Variants in SARDH observed in about 807,000 individuals in gnomAD.
SARDH encodes sarcosine dehydrogenase.
SARDH carries 95 observed loss-of-function variants against 109.1 expected under a neutral mutation model. The observed-to-expected ratio is 0.87, with a 90% CI of 0.74 to 1.03. SARDH has a LOEUF of 1.03. Among genes scored for constraint, SARDH ranks in the 50% least tolerant of loss-of-function variants. The pLI is 0.00. For missense variants in SARDH, 1,267 were observed against 1,287.8 expected (o/e 0.98, Z 0.25); for synonymous variants, 572 against 534.8 (o/e 1.07, Z -0.96).
rs1313653155 is a variant in SARDH at position 133,666,784 on chromosome 9, A to G, written c.2582T>C (p.Ile861Thr). The G allele has an allele frequency of 6.2e-7, 1 of 1,604,106 alleles. No homozygotes were observed. Among genetic ancestry groups the G allele is most frequent in the Non-Finnish European group, 8.5e-7 (1 of 1,175,678 alleles). The change falls in exon 20 of 21, where the codon ATC becomes ACC. Residue 861 changes from isoleucine to threonine, a missense_variant. By Grantham distance (89) the Ile-to-Thr change is moderately conservative. Transcript: ENST00000439388. The surrounding 1 kb of genome is among the most constrained non-coding windows in gnomAD (Gnocchi z 5.2). ...HVRRADFGFA[I>T]DKTIAYGYIH... ...GTAACCGTAGGCGATGGTCTTGTCG[A>G]TGGCGAACCCAAAGTCAGCCCTCCG...
At chr9:133,688,039 C>T (rs1372551693) in intron 16 of SARDH, among the ~76,000 whole-genome samples, 2 of 152,168 alleles carry the variant, frequency 1.3e-5, no homozygotes, top group East Asian at 3.9e-4. Context: ...CCACCTCCTC[C>T]CTCCACGGCC....
chr9:133,727,773 C>T (rs1435153762), intron 6 of SARDH, among the ~76,000 whole-genome samples: 2 of 152,182 alleles, frequency 1.3e-5, no homozygotes, highest in East Asian at 1.9e-4. Context: ...GTAACACCCC[C>T]TAGCTTCGCT....
At chr9:133,680,746 G>A (rs1356456639) in intron 17 of SARDH, among the ~76,000 whole-genome samples, 1 of 148,794 alleles carries the variant, frequency 6.7e-6, no homozygotes, top group East Asian at 1.9e-4. Flanking sequence ...GACACACGCA[G>A]ACCTGGCCGC....
At chr9:133,711,641 G>T (rs1281078142) in intron 10 of SARDH, among the ~76,000 whole-genome samples, 4 of 152,140 alleles carry the variant, frequency 2.6e-5, no homozygotes, top group African/African-American at 9.7e-5. Flanking sequence ...TCCTCATCAG[G>T]CCAGGAAAGG....
intron 8 of SARDH, among the ~76,000 whole-genome samples, chr9:133,714,199 G>C (rs947141002): frequency 6.6e-6 from 1 of 152,196 alleles, no homozygotes; most frequent in Admixed American, 6.5e-5. Context: ...TGCAGATCAG[G>C]AGCAAGTGCC....
intron 16 of SARDH, among the ~76,000 whole-genome samples, chr9:133,689,764 G>A (rs1383586323): frequency 2.6e-5 from 4 of 151,836 alleles, no homozygotes; most frequent in African/African-American, 9.7e-5. Context: ...CCCAGCCTCC[G>A]AAGCACAGTC....
At position 133,692,925 on chromosome 9, in the gene SARDH, C is replaced by A. The variant is rs1831154803; in HGVS notation, c.1921+1333G>T. 6.6e-6 allele frequency among the ~76,000 whole-genome samples: 1 copy of A among 152,156 alleles called. No homozygotes were observed. The highest frequency in any genetic ancestry group is 2.4e-5 in the African/African-American group (1 of 41,450). On this transcript the variant is annotated intron_variant, in intron 15 of 20. Coordinates refer to ENST00000439388, the MANE Select transcript of SARDH (RefSeq NM_001134707.2). This position sits in a 1 kb window ranked among gnomAD's most constrained non-coding sequence, Gnocchi z 5.0. ...GACCCCTCACTCACGCTCTCAGCCTCATCTCCGCCACCAGCCTCCAGACCG... is the reference window on the plus strand; with the variant it reads ...GACCCCTCACTCACGCTCTCAGCCTAATCTCCGCCACCAGCCTCCAGACCG...
chr9:133,731,467 A>C lies in SARDH; in HGVS notation c.528T>G (p.Gly176=), dbSNP rs779612409. ...CCGGGCTCAGCACATGGGATTCCAC[A>C]CCATACGCCTTGCCCAGCTAGGGGG... is the stretch of plus-strand genomic sequence containing the variant. ...KRLMSLGKAY[G]VESHVLSPAE... Residue 176 remains glycine, a synonymous_variant, in exon 4 of 21, where the codon GGT becomes GGG. Transcript: ENST00000439388. The C allele has an allele frequency of 6.2e-7, 1 of 1,614,044 alleles. No individual in the cohort carries two copies.
chr9:133,677,307 G>A (rs1359198097), intron 17 of SARDH, among the ~76,000 whole-genome samples: 3 of 152,126 alleles, frequency 2.0e-5, no homozygotes, highest in South Asian at 2.1e-4. Flanking sequence ...GAGGTGAATC[G>A]ACAATGTTCT....
chr9:133,684,119 G>T (rs1830800259), intron 17 of SARDH, among the ~76,000 whole-genome samples: 1 of 152,230 alleles, frequency 6.6e-6, no homozygotes, highest in African/African-American at 2.4e-5. Flanking sequence ...CTGCAAACAA[G>T]CAGGGTGGTC....
intron 19 of SARDH, 143 bp from the exon 20 acceptor site, chr9:133,667,013 C>A: frequency 9.2e-7 from 1 of 1,082,476 alleles, no homozygotes; most frequent in Non-Finnish European, 1.4e-6. Context: ...ACTAGGACTA[C>A]GCTGGTCCCC....
chr9:133,660,793 C>G (rs1832402975), downstream of SARDH, among the ~76,000 whole-genome samples: 1 of 152,208 alleles, frequency 6.6e-6, no homozygotes, highest in Non-Finnish European at 1.5e-5. Flanking sequence ...GGGGCGACCC[C>G]AGGCTCCAGC....
intron 17 of SARDH, among the ~76,000 whole-genome samples, chr9:133,671,938 A>G (rs1272107631): frequency 3.9e-5 from 6 of 152,240 alleles, no homozygotes; most frequent in Non-Finnish European, 8.8e-5. Context: ...CAGGTTTGCT[A>G]TCTGCAGACC....
At chr9:133,708,548 A>G (rs1019645952) in intron 10 of SARDH, 120 bp from the exon 11 acceptor site, 6 of 1,323,728 alleles carry the variant, frequency 4.5e-6, no homozygotes, top group Non-Finnish European at 6.1e-6. Context: ...TTTGTGGCTC[A>G]GCATTGAGCG....
rs563774053 is a variant in SARDH, at chr9:133,713,174, C to T, written c.1151-50G>A. 3.3e-6 allele frequency: 5 copies of T among 1,520,728 alleles called. No individual in the cohort carries two copies. The East Asian group carries it at 9.1e-5, about 28-fold the overall frequency. The allele number at this position is 1,520,728 out of a possible 1,614,324, so 94.2% of individuals were successfully genotyped here. A position where few individuals can be genotyped will look rare whatever the true frequency, so the allele number is the denominator to read the frequency against. On this transcript the variant is annotated intron_variant, in intron 8 of 20. Transcript: ENST00000439388. Reference sequence around the variant, plus strand: ...GAGTCCCTTTTGCAGTGCACATACTCTTGGGGTGAGGTCTTCCAAGAGAGC... The same window carrying T: ...GAGTCCCTTTTGCAGTGCACATACTTTTGGGGTGAGGTCTTCCAAGAGAGC...
intron 1 of SARDH, among the ~76,000 whole-genome samples, chr9:133,736,564 T>G (rs1832893638): frequency 6.6e-6 from 1 of 152,162 alleles, no homozygotes; most frequent in Admixed American, 6.5e-5. Flanking sequence ...CCTGGCTAAT[T>G]TTTGTATCTT....
intron 20 of SARDH, among the ~76,000 whole-genome samples, chr9:133,665,514 A>G (rs892785407): frequency 2.0e-5 from 3 of 152,162 alleles, no homozygotes; most frequent in African/African-American, 4.8e-5. Context: ...GAGTGTCCAC[A>G]TTTTATAAAT....
In SARDH at chr9:133,694,242, C is replaced by A; in HGVS notation, c.1921+16G>T. ...GGCCGCAGTCACAGCGCCGTGTGCA[C>A]AGAGGCATCCCATACCTTCAAAGGC... On this transcript the variant is annotated intron_variant, in intron 15 of 20. Coordinates refer to ENST00000439388, the MANE Select transcript of SARDH (RefSeq NM_001134707.2). The A allele has an allele frequency of 6.5e-7, 1 of 1,529,254 alleles. No individual in the cohort carries two copies. Among genetic ancestry groups the A allele is most frequent in the Non-Finnish European group, 8.9e-7 (1 of 1,128,412 alleles). The allele number at this position is 1,529,254 out of a possible 1,614,324, so 94.7% of individuals were successfully genotyped here.
intron 17 of SARDH, among the ~76,000 whole-genome samples, chr9:133,674,249 G>T (rs1830444289): frequency 6.6e-6 from 1 of 152,248 alleles, no homozygotes; most frequent in African/African-American, 2.4e-5. Flanking sequence ...GCCGGGCTTG[G>T]GTGGGAACAG....
Sources: allele counts gnomAD v4.1 joint callset (sites outside exome capture counted in the v4.1 genomes callset), GRCh38; gene constraint gnomAD v4.1.1; non-coding constraint Gnocchi (gnomAD v3.1); transcripts MANE v1.5; gene names NCBI Gene and HGNC (gene_info 2026-07-23, HGNC 2026-07-21).